Variants in TMPRSS11F observed in about 807,000 individuals in gnomAD.
TMPRSS11F encodes transmembrane serine protease 11F.
A neutral mutation model predicts 60.2 loss-of-function variants in TMPRSS11F; 47 were observed. The ratio of observed to expected loss-of-function variants is 0.78; its 90% CI spans 0.62 to 1.00. The LOEUF (loss-of-function observed/expected upper bound fraction) is 1.00. Among genes scored for constraint, TMPRSS11F ranks in the 50% least tolerant of loss-of-function variants. TMPRSS11F has a pLI of 0.00. For missense variants in TMPRSS11F, 519 were observed against 522.9 expected (o/e 0.99, Z 0.07); for synonymous variants, 166 against 167.3 (o/e 0.99, Z 0.06).
chr4:68,124,724 T>A (rs1724683428), intron 1 of TMPRSS11F, among the ~76,000 whole-genome samples: 1 of 152,100 alleles, frequency 6.6e-6, no homozygotes, highest in Non-Finnish European at 1.5e-5. Context: ...GAGTTAAGGC[T>A]GTTGTTTGGC....
At chr4:68,124,476 G>A (rs1229325529) in intron 1 of TMPRSS11F, among the ~76,000 whole-genome samples, 7 of 152,168 alleles carry the variant, frequency 4.6e-5, no homozygotes. Flanking sequence ...TCATGACAGA[G>A]CAAAACCCGG....
chr4:68,068,731 C>T lies in TMPRSS11F; in HGVS notation c.642G>A (p.Met214Ile), dbSNP rs1723386166. 1 of 1,614,250 alleles carries T rather than the reference C, an allele frequency of 6.2e-7. No homozygotes were observed. The highest frequency in any genetic ancestry group is 1.3e-5 in the African/African-American group (1 of 75,056). ...QRIVQGRETA[M>I]EGEWPWQASL... ...TGGCCTGCCATGGCCATTCCCCTTC[C>T]ATAGCTGTTTCCCTTCCTTGGACAA... The change falls in exon 7 of 10, where the codon ATG (methionine) becomes ATA (isoleucine). Residue 214 changes from methionine (M) to isoleucine (I), a missense_variant. Met to Ile is a conservative substitution (Grantham distance 10). Transcript: ENST00000356291.
At chr4:68,056,613 T>A (rs1449913725) in intron 9 of TMPRSS11F, among the ~76,000 whole-genome samples, 1 of 152,112 alleles carries the variant, frequency 6.6e-6, no homozygotes, top group Non-Finnish European at 1.5e-5. Flanking sequence ...ATTAAAATGT[T>A]AAAATTATCA....
chr4:68,063,319 C>A, intron 8 of TMPRSS11F: 2 of 504,972 alleles, frequency 4.0e-6, no homozygotes, highest in Admixed American at 4.8e-5. Context: ...TTAAGTATTT[C>A]TTATTTCTCA....
chr4:68,106,077 G>A (rs1455476143), intron 1 of TMPRSS11F, among the ~76,000 whole-genome samples: 1 of 152,044 alleles, frequency 6.6e-6, no homozygotes, highest in Non-Finnish European at 1.5e-5. Flanking sequence ...ATGTTGTAAT[G>A]AGACATAAAA....
rs148092301 is a variant in TMPRSS11F at position 68,059,475 on chromosome 4, C to A, written c.1016-7G>T. The stretch of plus-strand genomic sequence containing the variant: ...AGTGTATTTTGTATAGGTCCTATTG[C>A]ACAAATGGATAAAAAAACAAATAAA... On this transcript the variant is annotated splice_region_variant and splice_polypyrimidine_tract_variant and intron_variant, in intron 8 of 9. Coordinates refer to ENST00000356291, the MANE Select transcript of TMPRSS11F (RefSeq NM_207407.2). 1,167 of 1,607,916 alleles carry A rather than the reference C, an allele frequency of 7.3e-4. No homozygotes were observed. Among genetic ancestry groups the A allele is most frequent in the Middle Eastern group, 2.0e-3 (12 of 6,028 alleles).
chr4:68,096,932 A>C (rs1724086891), intron 2 of TMPRSS11F, among the ~76,000 whole-genome samples: 1 of 152,204 alleles, frequency 6.6e-6, no homozygotes. Context: ...CCTGGTTACT[A>C]GAATGTAATT....
chr4:68,095,523 T>C (rs762820115), intron 2 of TMPRSS11F, among the ~76,000 whole-genome samples: 7 of 152,108 alleles, frequency 4.6e-5, no homozygotes, highest in Admixed American at 1.3e-4. Flanking sequence ...CAACACTAAA[T>C]GTTGGTGAGG....
At chr4:68,076,667 C>G (rs1723589872) in intron 3 of TMPRSS11F, among the ~76,000 whole-genome samples, 1 of 152,120 alleles carries the variant, frequency 6.6e-6, no homozygotes, top group Admixed American at 6.5e-5. Context: ...CCTATTATCC[C>G]AAGTTTAGCA....
intron 3 of TMPRSS11F, among the ~76,000 whole-genome samples, chr4:68,085,732 G>A (rs565950855): frequency 5.3e-5 from 8 of 152,142 alleles, no homozygotes; most frequent in East Asian, 1.9e-4. Context: ...AGAAAGATCC[G>A]TCATGCAAAC....
chr4:68,065,767 T>TAAA (rs11439869), intron 7 of TMPRSS11F, among the ~76,000 whole-genome samples: 77 of 147,900 alleles, frequency 5.2e-4, no homozygotes, highest in East Asian at 1.2e-3. Flanking sequence ...TTAAATGTAA[T>TAAA]AAAAAAAAAA....
intron 1 of TMPRSS11F, among the ~76,000 whole-genome samples, chr4:68,121,528 T>A (rs1279936744): frequency 5.3e-5 from 8 of 152,044 alleles, no homozygotes; most frequent in South Asian, 2.1e-4. Context: ...CTATTTTATT[T>A]TATATATATA....
At chr4:68,058,986 G>A (rs1723100352) in intron 9 of TMPRSS11F, among the ~76,000 whole-genome samples, 1 of 152,138 alleles carries the variant, frequency 6.6e-6, no homozygotes, top group Non-Finnish European at 1.5e-5. Context: ...CTAATGCAGG[G>A]CTTGGAATGG....
At chr4:68,068,162 A>G (rs921019708) in intron 7 of TMPRSS11F, among the ~76,000 whole-genome samples, 1 of 152,174 alleles carries the variant, frequency 6.6e-6, no homozygotes, top group South Asian at 2.1e-4. Flanking sequence ...GGGTTCCTAG[A>G]GAATGCAATG....
At chr4:68,120,392 T>C (rs1429216850) in intron 1 of TMPRSS11F, among the ~76,000 whole-genome samples, 1 of 56,880 alleles carries the variant, frequency 1.8e-5, no homozygotes, top group African/African-American at 4.9e-5. Flanking sequence ...TTTTTTTTTT[T>C]TTTTTTTTTT....
intron 9 of TMPRSS11F, 151 bp downstream of exon 9, chr4:68,059,175 C>T (rs552558077): frequency 4.1e-5 from 33 of 806,248 alleles, no homozygotes; most frequent in Non-Finnish European, 5.8e-5. Flanking sequence ...ACACTCAATA[C>T]AATTATTGTT....
At chr4:68,097,240 C>T (rs940276251) in intron 2 of TMPRSS11F, among the ~76,000 whole-genome samples, 2 of 152,208 alleles carry the variant, frequency 1.3e-5, no homozygotes, top group African/African-American at 4.8e-5. Flanking sequence ...AATTTATACT[C>T]TTACAGTTCT....
At chr4:68,123,113 C>T (rs921091295) in intron 1 of TMPRSS11F, among the ~76,000 whole-genome samples, 7 of 152,168 alleles carry the variant, frequency 4.6e-5, no homozygotes, top group African/African-American at 1.2e-4. Flanking sequence ...GCCACAGTTT[C>T]GTTATAAGTA....
rs1023922147 is a variant in TMPRSS11F, at chr4:68,089,841, T to C, written c.282+682A>G. Among the ~76,000 whole-genome samples, 14 of 152,210 alleles carry C rather than the reference T, an allele frequency of 9.2e-5. 1 individual carries two copies. Among genetic ancestry groups the C allele is most frequent in the African/African-American group, 3.1e-4 (13 of 41,568 alleles). On this transcript the variant is annotated intron_variant, in intron 3 of 9. Transcript: ENST00000356291. ...ATTAACATAGTGCTCTATTTGGCCA[T>C]TAATTCTTGGTTCTAGAATAACTCT...
Sources: allele counts gnomAD v4.1 joint callset (sites outside exome capture counted in the v4.1 genomes callset), GRCh38; gene constraint gnomAD v4.1.1; transcripts MANE v1.5; gene names NCBI Gene and HGNC (gene_info 2026-07-23, HGNC 2026-07-21).